TNIK: variants seen among roughly 807,000 people sequenced by gnomAD.
The protein encoded by TNIK is TRAF2 and NCK-interacting protein kinase.
TNIK carries 49 observed loss-of-function variants against 191.3 expected under a neutral mutation model. The ratio of observed to expected loss-of-function variants is 0.26; its 90% CI spans 0.20 to 0.32. The LOEUF (loss-of-function observed/expected upper bound fraction) is 0.32. Ranked by LOEUF, TNIK falls within the 10% of genes least tolerant of loss-of-function variation. The probability of loss-of-function intolerance (pLI) is 1.00; values close to 1 mark genes in which losing one functional copy is unlikely to be tolerated. For synonymous variants in TNIK, 594 were observed against 600.9 expected, an observed-to-expected ratio of 0.99 and a Z score of 0.17; for missense variants, 1,155 against 1,702.3, an observed-to-expected ratio of 0.68 and a Z score of 5.66.
chr3:171,134,218 C>A (rs748415897), intron 15 of TNIK, among the ~76,000 whole-genome samples: 5 of 152,200 alleles, frequency 3.3e-5, no homozygotes, highest in Non-Finnish European at 5.9e-5. Flanking sequence ...CAGTACATAC[C>A]TGACATCCAT....
At chr3:171,196,937 A>T (rs1236905231) in intron 4 of TNIK, among the ~76,000 whole-genome samples, 2 of 151,978 alleles carry the variant, frequency 1.3e-5, no homozygotes, top group African/African-American at 4.8e-5. Flanking sequence ...TTGTATTTTT[A>T]GTAGACACGG....
intron 1 of TNIK, among the ~76,000 whole-genome samples, chr3:171,388,618 C>A (rs1051003717): frequency 2.0e-5 from 3 of 152,104 alleles, no homozygotes; most frequent in African/African-American, 7.2e-5. Flanking sequence ...GGCATCCTTA[C>A]ACACACACAC....
At chr3:171,104,025 T>C (rs2108466892) in intron 21 of TNIK, among the ~76,000 whole-genome samples, 1 of 152,240 alleles carries the variant, frequency 6.6e-6, no homozygotes. Flanking sequence ...TGCTTCTGTG[T>C]TACTAAAAAG....
intron 1 of TNIK, among the ~76,000 whole-genome samples, chr3:171,424,877 A>C (rs1381911013): frequency 1.3e-5 from 2 of 151,246 alleles, no homozygotes; most frequent in Non-Finnish European, 3.0e-5. Context: ...AGATACACCT[A>C]ATGTTAAATG....
At chr3:171,317,645 A>G (rs1294579752) in intron 2 of TNIK, among the ~76,000 whole-genome samples, 1 of 152,174 alleles carries the variant, frequency 6.6e-6, no homozygotes, top group Non-Finnish European at 1.5e-5. Flanking sequence ...GATGACAAGA[A>G]AGGGAAAGAA....
At chr3:171,453,454 C>A (rs143429873) in intron 1 of TNIK, among the ~76,000 whole-genome samples, 104 of 152,078 alleles carry the variant, frequency 6.8e-4, no homozygotes, top group Non-Finnish European at 7.4e-4. Context: ...GAAATTGTTC[C>A]CTGCCGCAAT....
At chr3:171,261,989 C>T (rs541588751) in intron 2 of TNIK, among the ~76,000 whole-genome samples, 1 of 152,232 alleles carries the variant, frequency 6.6e-6, no homozygotes, top group Non-Finnish European at 1.5e-5. Flanking sequence ...AATATGAATA[C>T]TATTATTTAT....
At chr3:171,345,964 G>A (rs1429461336) in intron 2 of TNIK, among the ~76,000 whole-genome samples, 1 of 152,124 alleles carries the variant, frequency 6.6e-6, no homozygotes, top group African/African-American at 2.4e-5. Flanking sequence ...ATGGATGGTA[G>A]ATGGTGATGA....
At chr3:171,316,059 C>G (rs1490706317) in intron 2 of TNIK, among the ~76,000 whole-genome samples, 1 of 152,038 alleles carries the variant, frequency 6.6e-6, no homozygotes, top group African/African-American at 2.4e-5. Flanking sequence ...GACAGAGACC[C>G]ATAAATCTGT....
rs71634497 is a variant in TNIK, at chr3:171,327,900, T to TAAAAAAAAAAAAAAAAAAAAAAAAAAA, written c.123+41693_123+41719dup. ...ATCTGTGGCTCCCAAACCTGGCTCA[T>TAAAAAAAAAAAAAAAAAAAAAAAAAAA]AAAAAAAAAAAAAAAAAAAAAAAAA... On this transcript the variant is annotated intron_variant, in intron 2 of 32. Transcript: ENST00000436636. Among the ~76,000 whole-genome samples, 3 of 79,622 alleles carry TAAAAAAAAAAAAAAAAAAAAAAAAAAA rather than the reference T, an allele frequency of 3.8e-5. 1 individual carries two copies. The highest frequency in any genetic ancestry group is 8.2e-5 in the African/African-American group (2 of 24,430). 52.2% of individuals were successfully genotyped at this position (79,622 alleles called of 152,430 possible).
chr3:171,059,840 A>G lies in TNIK; in HGVS notation c.*4041T>C, dbSNP rs913790296. Among the ~76,000 whole-genome samples, 17 of 152,156 alleles carry G rather than the reference A, an allele frequency of 1.1e-4. No homozygotes were observed. Among genetic ancestry groups the G allele is most frequent in the African/African-American group, 4.1e-4 (17 of 41,428 alleles). On this transcript the variant is annotated 3_prime_UTR_variant, in exon 33 of 33. Coordinates refer to ENST00000436636, the MANE Select transcript of TNIK (RefSeq NM_015028.4). ...TGATTTGGTTAGATTTAAATTTTGA[A>G]GAATGAACTAAAAGGTAACTAACAA...
intron 7 of TNIK, among the ~76,000 whole-genome samples, chr3:171,187,937 A>G (rs1445740240): frequency 2.6e-5 from 4 of 152,172 alleles, no homozygotes; most frequent in Admixed American, 2.6e-4. Flanking sequence ...CAGTTCCTAG[A>G]TCCCATTGCC....
At chr3:171,246,550 G>C (rs889794523) in intron 2 of TNIK, among the ~76,000 whole-genome samples, 1 of 152,152 alleles carries the variant, frequency 6.6e-6, no homozygotes, top group African/African-American at 2.4e-5. Flanking sequence ...CTTGTTGAAA[G>C]TATCTATTAT....
At chr3:171,146,671 C>T (rs1731637057) in intron 12 of TNIK, among the ~76,000 whole-genome samples, 1 of 152,156 alleles carries the variant, frequency 6.6e-6, no homozygotes, top group African/African-American at 2.4e-5. Flanking sequence ...GAGCGGATCA[C>T]CTGAGGTCAG....
intron 1 of TNIK, among the ~76,000 whole-genome samples, chr3:171,388,685 T>G (rs1204184867): frequency 6.6e-6 from 1 of 152,174 alleles, no homozygotes; most frequent in Non-Finnish European, 1.5e-5. Context: ...ACAACTTCCT[T>G]AAAAACTGAT....
At chr3:171,223,255 G>GGACTGTCTCCTCACAGTTCC (rs1250850264) in intron 3 of TNIK, among the ~76,000 whole-genome samples, 1 of 152,138 alleles carries the variant, frequency 6.6e-6, no homozygotes, top group African/African-American at 2.4e-5. Flanking sequence ...TCCTCAGTGA[G>GGACTGTCTCCTCACAGTTCC]GACTGTCTCC....
At chr3:171,327,306 A>G (rs1214250979) in intron 2 of TNIK, among the ~76,000 whole-genome samples, 3 of 152,178 alleles carry the variant, frequency 2.0e-5, no homozygotes, top group South Asian at 2.1e-4. Flanking sequence ...GCAGTGCACT[A>G]TGGGTTACAA....
chr3:171,144,076 A>G (rs1177321639), intron 12 of TNIK, among the ~76,000 whole-genome samples: 1 of 152,258 alleles, frequency 6.6e-6, no homozygotes, highest in African/African-American at 2.4e-5. Context: ...TGGTCCTGCT[A>G]TCAGAAAAGA....
chr3:171,063,110 CT>C lies in TNIK; in HGVS notation c.*770del, dbSNP rs1718001172. On this transcript the variant is annotated 3_prime_UTR_variant, in exon 33 of 33. Coordinates refer to ENST00000436636, the MANE Select transcript of TNIK (RefSeq NM_015028.4). ...AGCTCAACTCAATGGCGTTAGTATC[CT>C]GTTCAACACACTCCATTCTGTAAAG... The C allele has an allele frequency of 6.6e-6, 1 of 152,158 alleles. No individual in the cohort carries two copies. The highest frequency in any genetic ancestry group is 1.5e-5 in the Non-Finnish European group (1 of 68,026). 9.4% of individuals were successfully genotyped at this position (152,158 alleles called of 1,614,324 possible). A position where few individuals can be genotyped will look rare whatever the true frequency, so the allele number is the denominator to read the frequency against.
Sources: gnomAD v4.1 joint callset for allele counts (sites outside exome capture counted in the v4.1 genomes callset) on GRCh38, gnomAD v4.1.1 for gene constraint, MANE v1.5 for transcripts, NCBI Gene and HGNC (gene_info 2026-07-23, HGNC 2026-07-21) for gene names.